The following TRAPPC11 variants were observed in gnomAD, a reference collection of about 807,000 sequenced individuals.
TRAPPC11 encodes the protein trafficking protein particle complex subunit 11.
TRAPPC11 carries 104 observed loss-of-function variants against 151.2 expected under a neutral mutation model. That is an observed-to-expected ratio of 0.69 (90% CI 0.59 to 0.81). TRAPPC11 has a LOEUF of 0.81. Ranked by LOEUF, TRAPPC11 falls within the 30% of genes least tolerant of loss-of-function variation. TRAPPC11 has a pLI of 0.00. For missense variants in TRAPPC11, 1,230 were observed against 1,349.6 expected, an observed-to-expected ratio of 0.91 and a Z score of 1.39; for synonymous variants, 456 against 472.3, an observed-to-expected ratio of 0.97 and a Z score of 0.45.
chr4:183,685,467 G>A, intron 17 of TRAPPC11, 64 bp downstream of exon 17: 10 of 1,507,478 alleles, frequency 6.6e-6, no homozygotes, highest in Non-Finnish European at 9.1e-6. Context: ...AAATGAATAG[G>A]TGCAGAATAA....
At chr4:183,687,716 A>G (rs528941986) in intron 18 of TRAPPC11, among the ~76,000 whole-genome samples, 1 of 152,176 alleles carries the variant, frequency 6.6e-6, no homozygotes, top group Non-Finnish European at 1.5e-5. Flanking sequence ...TTTATATTTT[A>G]CTTCAACATT....
At chr4:183,678,540 T>C (rs1186049645) in intron 8 of TRAPPC11, among the ~76,000 whole-genome samples, 1 of 152,202 alleles carries the variant, frequency 6.6e-6, no homozygotes, top group African/African-American at 2.4e-5. Flanking sequence ...TGTAGTGATA[T>C]GGAATAATAC....
Position 183,682,702 on chromosome 4 carries a change from T to A in TRAPPC11, c.1114-30T>A, listed in dbSNP as rs1735758023. 4.0e-6 allele frequency: 6 copies of A among 1,516,186 alleles called. No individual in the cohort carries two copies. The East Asian group carries it at 1.4e-4, about 35-fold the overall frequency. 93.9% of individuals were successfully genotyped at this position (1,516,186 alleles called of 1,614,324 possible). Reference sequence around the variant, plus strand: ...TTGATTTGCGATGAGTTCCATAAACTATTATTTAGGTTTGTGTTTTAATTT... The same window carrying A: ...TTGATTTGCGATGAGTTCCATAAACAATTATTTAGGTTTGTGTTTTAATTT... On this transcript the variant is annotated intron_variant, in intron 10 of 29. Coordinates refer to ENST00000334690, the MANE Select transcript of TRAPPC11 (RefSeq NM_021942.6).
At chr4:183,694,524 G>T in intron 22 of TRAPPC11, 80 bp from the exon 23 acceptor site, 1 of 1,389,348 alleles carries the variant, frequency 7.2e-7, no homozygotes, top group Non-Finnish European at 9.9e-7. Context: ...ACTCTAGAAG[G>T]TGGGAACATT....
chr4:183,708,155 A>G (rs1359254871), intron 28 of TRAPPC11, among the ~76,000 whole-genome samples: 1 of 152,208 alleles, frequency 6.6e-6, no homozygotes, highest in Admixed American at 6.5e-5. Context: ...TAAGTTACCC[A>G]TTGTAGGTCT....
chr4:183,699,556 T>C (rs779012206), intron 25 of TRAPPC11, among the ~76,000 whole-genome samples: 9 of 152,202 alleles, frequency 5.9e-5, no homozygotes, highest in Non-Finnish European at 1.2e-4. Context: ...GAACTTCTAG[T>C]ATATTAGTTT....
Position 183,691,481 on chromosome 4 carries a change from GA to G in TRAPPC11, c.2049+13del. 3.5e-6 allele frequency: 5 copies of G among 1,426,266 alleles called. No homozygotes were observed. Among genetic ancestry groups the G allele is most frequent in the Non-Finnish European group, 4.7e-6 (5 of 1,068,278 alleles). The allele number at this position is 1,426,266 out of a possible 1,614,324, so 88.4% of individuals were successfully genotyped here. A position where few individuals can be genotyped will look rare whatever the true frequency, so the allele number is the denominator to read the frequency against. ...GGGAAAGAAAATTGAGGTTAGTTATGAAATTTGTTTTAAAATATTTTTAATA... is the reference window on the plus strand; with the variant it reads ...GGGAAAGAAAATTGAGGTTAGTTATGAATTTGTTTTAAAATATTTTTAATA... On this transcript the variant is annotated intron_variant, in intron 19 of 29. Transcript: ENST00000334690.
In TRAPPC11 at chr4:183,694,626, G is replaced by A. The variant is rs781082721; in HGVS notation, c.2531G>A (p.Arg844His). Residue 844 changes from arginine to histidine, a missense_variant, in exon 23 of 30, where the codon CGC becomes CAC. By Grantham distance (29) the Arg-to-His change is conservative. Transcript: ENST00000334690. ...GEQLEKMLYV[R>H]CGTVGSRMFL... ...CAGCTGGAAAAAATGTTGTATGTTC[G>A]CTGTGGAACAGTGGGTTCCAGAATG... 6 of 1,612,690 alleles carry A rather than the reference G, an allele frequency of 3.7e-6. No individual in the cohort carries two copies. The highest frequency in any genetic ancestry group is 3.4e-6 in the Non-Finnish European group (4 of 1,179,302).
At chr4:183,674,688 G>A in intron 5 of TRAPPC11, 25 bp from the exon 6 acceptor site, 1 of 1,346,454 alleles carries the variant, frequency 7.4e-7, no homozygotes, top group Non-Finnish European at 1.0e-6. Context: ...ATATGTAAAT[G>A]CTTGTTTGTT....
chr4:183,711,837 T>A (rs1316107250), intron 29 of TRAPPC11, among the ~76,000 whole-genome samples: 1 of 152,256 alleles, frequency 6.6e-6, no homozygotes, highest in Non-Finnish European at 1.5e-5. Context: ...TGCTATTGTA[T>A]ATCTGTATAA....
Position 183,666,240 on chromosome 4 carries a change from T to C in TRAPPC11, c.205-17T>C. 1 of 1,603,800 alleles carries C rather than the reference T, an allele frequency of 6.2e-7. No individual in the cohort carries two copies. Among genetic ancestry groups the C allele is most frequent in the Non-Finnish European group, 8.5e-7 (1 of 1,174,546 alleles). On this transcript the variant is annotated splice_polypyrimidine_tract_variant and intron_variant, in intron 2 of 29. Transcript: ENST00000334690. ...GCTCCTGTCAGGTAACTTTTCAATT[T>C]CTGCCAATGTTTGCAGAGAACTTCA...
chr4:183,671,103 T>A (rs899832930), intron 5 of TRAPPC11, among the ~76,000 whole-genome samples: 1 of 152,170 alleles, frequency 6.6e-6, no homozygotes, highest in Non-Finnish European at 1.5e-5. Context: ...TGACCTTAGG[T>A]GATCCGCCCA....
At chr4:183,692,330 G>T (rs889389554) in intron 19 of TRAPPC11, among the ~76,000 whole-genome samples, 2 of 151,304 alleles carry the variant, frequency 1.3e-5, no homozygotes, top group East Asian at 3.9e-4. Context: ...TCCCATAACA[G>T]TTTCTGTGAA....
chr4:183,684,154 A>T lies in TRAPPC11; in HGVS notation c.1297A>T (p.Ile433Leu), dbSNP rs1735843826. ...ERNVVHSEII[I>L]TLLSNAVAQF... Reference sequence around the variant, plus strand: ...CTACTTTTTCTAATAGGAGATAATCATAACTCTTCTGAGCAATGCTGTTGC... The same window carrying T: ...CTACTTTTTCTAATAGGAGATAATCTTAACTCTTCTGAGCAATGCTGTTGC... The change falls in exon 13 of 30, where the codon ATA becomes TTA. Residue 433 changes from isoleucine (I) to leucine (L), a missense_variant. By Grantham distance (5) the Ile-to-Leu change is conservative. Coordinates refer to ENST00000334690, the MANE Select transcript of TRAPPC11 (RefSeq NM_021942.6). The T allele has an allele frequency of 6.2e-7, 1 of 1,613,710 alleles. No homozygotes were observed. The highest frequency in any genetic ancestry group is 8.5e-7 in the Non-Finnish European group (1 of 1,179,794).
rs1736389304 is a variant in TRAPPC11, at chr4:183,693,859, G to A, written c.2387-58G>A. On this transcript the variant is annotated intron_variant, in intron 21 of 29. Transcript: ENST00000334690. ...GGCATAGTGCTCTTCACACAGTATT[G>A]ATTATTGGGATAATGTTTGAATTCT... 2.5e-6 allele frequency: 4 copies of A among 1,601,760 alleles called. No homozygotes were observed. The South Asian group carries it at 4.4e-5, about 18-fold the overall frequency.
chr4:183,710,141 A>G (rs13146475), intron 29 of TRAPPC11, among the ~76,000 whole-genome samples: 38,467 of 152,124 alleles, frequency 0.25, 5,449 homozygotes, highest in Middle Eastern at 0.38. Context: ...TTTTGGTTCC[A>G]TCAATTATTC....
chr4:183,666,448 C>T (rs774331592), intron 3 of TRAPPC11, 22 bp downstream of exon 3: 1 of 1,606,622 alleles, frequency 6.2e-7, no homozygotes, highest in East Asian at 2.2e-5. Context: ...TGTGTCAGGG[C>T]AGCTATGTCA....
chr4:183,697,615 G>T, intron 24 of TRAPPC11, 47 bp downstream of exon 24: 3 of 1,606,060 alleles, frequency 1.9e-6, no homozygotes, highest in Non-Finnish European at 2.5e-6. Flanking sequence ...TTATAAAAAT[G>T]GACTGAAATG....
chr4:183,674,324 A>G (rs1474954247), intron 5 of TRAPPC11, among the ~76,000 whole-genome samples: 1 of 151,810 alleles, frequency 6.6e-6, no homozygotes, highest in Non-Finnish European at 1.5e-5. Context: ...AGGCTGAGAC[A>G]CAGGAATCGC....
Sources: allele counts gnomAD v4.1 joint callset (sites outside exome capture counted in the v4.1 genomes callset), GRCh38; gene constraint gnomAD v4.1.1; transcripts MANE v1.5; gene names NCBI Gene and HGNC (gene_info 2026-07-23, HGNC 2026-07-21).